Variants in KCNT1 observed in about 807,000 individuals in gnomAD.
KCNT1 encodes the protein potassium sodium-activated channel subfamily T member 1, also known as potassium channel subfamily T member 1.
KCNT1 carries 78 observed loss-of-function variants against 147.8 expected under a neutral mutation model. That is an observed-to-expected ratio of 0.53 (90% CI 0.44 to 0.64). KCNT1 has a LOEUF of 0.64. KCNT1 is among the 30% of genes least tolerant of loss of function. The pLI is 0.00. For missense variants in KCNT1, 1,419 were observed against 1,750.3 expected, an observed-to-expected ratio of 0.81 and a Z score of 3.38; for synonymous variants, 867 against 748.8, an observed-to-expected ratio of 1.16 and a Z score of -2.58.
intron 2 of KCNT1, among the ~76,000 whole-genome samples, chr9:135,748,803 C>T (rs924236823): frequency 6.6e-6 from 1 of 152,342 alleles, no homozygotes; most frequent in East Asian, 1.9e-4. Context: ...GCTCACTGGA[C>T]TGCGTGTTCT....
intron 2 of KCNT1, among the ~76,000 whole-genome samples, chr9:135,749,870 G>A (rs930929434): frequency 9.9e-5 from 15 of 152,164 alleles, no homozygotes; most frequent in Non-Finnish European, 1.9e-4. Flanking sequence ...CCAGGGCTGC[G>A]GGGAGGAATC....
At chr9:135,731,981 TATATATATATAGAGAGAGAGAGAGAGAG>T (rs1836470879) in intron 2 of KCNT1, among the ~76,000 whole-genome samples, 1 of 26,572 alleles carries the variant, frequency 3.8e-5, no homozygotes, top group African/African-American at 1.3e-4. Flanking sequence ...TATATATATA[TATATATATATAGAGAGAGAGAGAGAGAG>T]AGAGAGAGAG....
chr9:135,774,311 GC>G (rs1157726443), intron 19 of KCNT1, among the ~76,000 whole-genome samples: 4 of 147,302 alleles, frequency 2.7e-5, no homozygotes, highest in African/African-American at 1.0e-4. Flanking sequence ...GTGTCTGTGT[GC>G]TGTGTGTTGT....
At chr9:135,749,157 C>A (rs7852909) in intron 2 of KCNT1, among the ~76,000 whole-genome samples, 4,062 of 152,306 alleles carry the variant, frequency 0.027, 169 homozygotes, top group African/African-American at 0.093. Flanking sequence ...GCCTGGCCCG[C>A]ATCCCAGCAC....
rs1833869925 is a variant in KCNT1 at position 135,784,500 on chromosome 9, TCCCTCCCTCCCTCCCTCCC to T, written c.2944-34_2944-16del. On this transcript the variant is annotated splice_polypyrimidine_tract_variant and intron_variant, in intron 25 of 30. Coordinates refer to ENST00000371757, the MANE Select transcript of KCNT1 (RefSeq NM_020822.3). ...CACTGTGGCTCCCTCCCTCCCTCCCTCCCTCCCTCCCTCCCTCCCTCCCTCCCTGGCCAGTCCTTCGTGA... is the reference window on the plus strand; with the variant it reads ...CACTGTGGCTCCCTCCCTCCCTCCCTTCCCTCCCTGGCCAGTCCTTCGTGA... 2 of 156,216 alleles carry T rather than the reference TCCCTCCCTCCCTCCCTCCC, an allele frequency of 1.3e-5. No individual in the cohort carries two copies. The highest frequency in any genetic ancestry group is 8.6e-5 in the African/African-American group (1 of 11,670). 9.7% of individuals were successfully genotyped at this position (156,216 alleles called of 1,614,324 possible). A position where few individuals can be genotyped will look rare whatever the true frequency, so the allele number is the denominator to read the frequency against.
At chr9:135,783,183 T>G (rs917465184) in intron 24 of KCNT1, among the ~76,000 whole-genome samples, 11 of 152,148 alleles carry the variant, frequency 7.2e-5, no homozygotes, top group Admixed American at 7.2e-4. Context: ...CAGAAGGGCC[T>G]CTGCAGATGG....
At chr9:135,777,661 G>T (rs1486085327) in intron 21 of KCNT1, 151 bp downstream of exon 21, 13 of 739,478 alleles carry the variant, frequency 1.8e-5, no homozygotes, top group Non-Finnish European at 2.4e-5. Context: ...CTAAAAAGGG[G>T]GACTCTCCTT....
At chr9:135,748,791 G>C (rs1830983204) in intron 2 of KCNT1, among the ~76,000 whole-genome samples, 1 of 152,212 alleles carries the variant, frequency 6.6e-6, no homozygotes. Flanking sequence ...CCATGCTGAG[G>C]AGCTCACTGG....
intron 2 of KCNT1, among the ~76,000 whole-genome samples, chr9:135,739,076 G>A (rs1319836190): frequency 1.3e-5 from 2 of 151,954 alleles, no homozygotes; most frequent in African/African-American, 4.8e-5. Flanking sequence ...CTGACTTAAG[G>A]CACCAACACA....
At chr9:135,705,712 T>G (rs984041600) in intron 1 of KCNT1, among the ~76,000 whole-genome samples, 4 of 152,180 alleles carry the variant, frequency 2.6e-5, no homozygotes, top group Middle Eastern at 6.3e-3. Context: ...AACTTGGAAG[T>G]GAGCCAGCGG....
At chr9:135,742,699 C>T in intron 2 of KCNT1, 2 of 716,432 alleles carry the variant, frequency 2.8e-6, no homozygotes, top group Non-Finnish European at 5.2e-6. Flanking sequence ...ATCCGTCCGT[C>T]TATCTGTCTG....
In KCNT1 at chr9:135,714,753, C is replaced by A; in HGVS notation, c.254+33C>A. 8.1e-7 allele frequency: 1 copy of A among 1,228,266 alleles called. No individual in the cohort carries two copies. Among genetic ancestry groups the A allele is most frequent in the South Asian group, 2.3e-5 (1 of 42,876 alleles). 76.1% of individuals were successfully genotyped at this position (1,228,266 alleles called of 1,614,324 possible). On this transcript the variant is annotated intron_variant, in intron 2 of 30. Transcript: ENST00000371757. This position sits in a 1 kb window ranked among gnomAD's most constrained non-coding sequence, Gnocchi z 6.2. Reference sequence around the variant, plus strand: ...CCGGGCGCGGGGTGGGGGCTGGGGTCGCCGTCCCGGCGCCGCCGCACGCCC... The same window carrying A: ...CCGGGCGCGGGGTGGGGGCTGGGGTAGCCGTCCCGGCGCCGCCGCACGCCC...
chr9:135,778,805 C>A lies in KCNT1; in HGVS notation c.2712C>A (p.Asn904Lys). 3 of 1,613,782 alleles carry A rather than the reference C, an allele frequency of 1.9e-6. No homozygotes were observed. The highest frequency in any genetic ancestry group is 2.5e-6 in the Non-Finnish European group (3 of 1,179,880). ...TGGCGGACGCCAAGACCATCGTCAA[C>A]GTGCAGACCATGTTCCGGTGCGTCC... ...DYMADAKTIV[N>K]VQTMFRLFPS... Residue 904 changes from asparagine (N) to lysine (K), a missense_variant, in exon 23 of 31, where the codon AAC becomes AAA. Physicochemically the swap from Asn to Lys is moderately conservative, Grantham distance 94. This residue lies in a region of KCNT1 where 247 missense variants were observed against 397.1 expected (regional missense o/e 0.62). Coordinates refer to ENST00000371757, the MANE Select transcript of KCNT1 (RefSeq NM_020822.3).
intron 25 of KCNT1, 43 bp from the exon 26 acceptor site, chr9:135,784,492 T>TCCCCCC: frequency 2.9e-5 from 4 of 138,340 alleles, no homozygotes; most frequent in South Asian, 1.3e-4. Flanking sequence ...GCTCCCTCCC[T>TCCCCCC]CCCTCCCTCC....
intron 1 of KCNT1, among the ~76,000 whole-genome samples, chr9:135,711,886 C>T (rs557558542): frequency 1.3e-5 from 2 of 152,368 alleles, no homozygotes; most frequent in Non-Finnish European, 2.9e-5. Context: ...CCTGCAGGCC[C>T]TGTTCCGCGT....
At chr9:135,718,256 G>A (rs1025809301) in intron 2 of KCNT1, among the ~76,000 whole-genome samples, 27 of 152,342 alleles carry the variant, frequency 1.8e-4, no homozygotes, top group Admixed American at 6.5e-4. Flanking sequence ...CCTGTGTACT[G>A]CAGTGACTCA....
intron 24 of KCNT1, 34 bp downstream of exon 24, chr9:135,779,504 C>G: frequency 1.4e-6 from 2 of 1,448,386 alleles, no homozygotes; most frequent in African/African-American, 2.8e-5. Context: ...GCTGCCACCC[C>G]AGAATCCCAG....
chr9:135,768,354 G>GGGGGC lies in KCNT1; in HGVS notation c.1338-255_1338-251dup, dbSNP rs1832476960. On this transcript the variant is annotated intron_variant, in intron 13 of 30. Coordinates refer to ENST00000371757, the MANE Select transcript of KCNT1 (RefSeq NM_020822.3). ...CACTGTGATGTGGGTTGGGGGGGGG[G>GGGGGC]GGGGCAGTATGGGGATGCCCACTGA... is the stretch of plus-strand genomic sequence containing the variant. 1.3e-5 allele frequency: 3 copies of GGGGGC among 231,060 alleles called. No homozygotes were observed. The East Asian group carries it at 2.2e-4, about 17-fold the overall frequency. The allele number at this position is 231,060 out of a possible 1,614,324, so 14.3% of individuals were successfully genotyped here. A position where few individuals can be genotyped will look rare whatever the true frequency, so the allele number is the denominator to read the frequency against.
Position 135,714,092 on chromosome 9 carries a change from C to CG in KCNT1, c.111-480dup, listed in dbSNP as rs1835617046. ...CCCTCAACAGCCTGAGGGTCTGAGA[C>CG]GGGGGTCTCTGGGGCTGGACCCTGA... On this transcript the variant is annotated intron_variant, in intron 1 of 30. Coordinates refer to ENST00000371757, the MANE Select transcript of KCNT1 (RefSeq NM_020822.3). The surrounding 1 kb of genome is among the most constrained non-coding windows in gnomAD (Gnocchi z 6.2). Among the ~76,000 whole-genome samples the CG allele has an allele frequency of 1.3e-5, 2 of 151,088 alleles. No homozygotes were observed. The highest frequency in any genetic ancestry group is 1.5e-5 in the Non-Finnish European group (1 of 67,794).
Sources: allele counts gnomAD v4.1 joint callset (sites outside exome capture counted in the v4.1 genomes callset), GRCh38; gene constraint gnomAD v4.1.1; regional missense constraint gnomAD v4.1.1; non-coding constraint Gnocchi (gnomAD v3.1); transcripts MANE v1.5; gene names NCBI Gene and HGNC (gene_info 2026-07-23, HGNC 2026-07-21).